The following DSCAML1 variants were observed in gnomAD, a reference collection of about 807,000 sequenced individuals.
The protein encoded by DSCAML1 is cell adhesion molecule DSCAML1.
A neutral mutation model predicts 200.5 loss-of-function variants in DSCAML1; 38 were observed. That is an observed-to-expected ratio of 0.19 (90% confidence interval 0.15 to 0.25). The LOEUF is 0.25. Ranked by LOEUF, DSCAML1 falls within the 10% of genes least tolerant of loss-of-function variation. The probability of loss-of-function intolerance (pLI) is 1.00; values close to 1 mark genes in which losing one functional copy is unlikely to be tolerated. For synonymous variants in DSCAML1, 1,215 were observed against 1,165.0 expected (o/e 1.04, Z -0.87); for missense variants, 2,223 against 2,858.8 (o/e 0.78, Z 5.07).
At chr11:117,812,736 C>A (rs1294813685) in intron 1 of DSCAML1, among the ~76,000 whole-genome samples, 1 of 144,048 alleles carries the variant, frequency 6.9e-6, no homozygotes, top group African/African-American at 2.5e-5. Context: ...GCTCTTCCTG[C>A]TGATCGTGTC....
chr11:117,540,428 T>C (rs2050246284), intron 3 of DSCAML1, among the ~76,000 whole-genome samples: 1 of 152,190 alleles, frequency 6.6e-6, no homozygotes, highest in Admixed American at 6.5e-5. Context: ...AATATCGTCT[T>C]CCATGAAACC....
chr11:117,474,482 C>T (rs1301440921), intron 14 of DSCAML1, among the ~76,000 whole-genome samples: 1 of 152,174 alleles, frequency 6.6e-6, no homozygotes, highest in Non-Finnish European at 1.5e-5. Context: ...CATCTCTGCG[C>T]AGATACCTCC....
chr11:117,693,787 C>T (rs1173865685), intron 3 of DSCAML1, among the ~76,000 whole-genome samples: 1 of 152,104 alleles, frequency 6.6e-6, no homozygotes, highest in Non-Finnish European at 1.5e-5. Context: ...ACTGAGACCC[C>T]AAAGTCTTGT....
intron 3 of DSCAML1, among the ~76,000 whole-genome samples, chr11:117,609,063 G>C (rs975574292): frequency 5.3e-5 from 8 of 152,002 alleles, no homozygotes; most frequent in African/African-American, 1.9e-4. Flanking sequence ...TCTGGGCATG[G>C]TGTTGTGTGC....
At chr11:117,681,345 A>T (rs773807981) in intron 3 of DSCAML1, among the ~76,000 whole-genome samples, 15 of 152,218 alleles carry the variant, frequency 9.9e-5, no homozygotes, top group Non-Finnish European at 1.5e-4. Context: ...AAAAATCTGC[A>T]TTTTAACAAG....
At chr11:117,613,855 T>C (rs1427693031) in intron 3 of DSCAML1, among the ~76,000 whole-genome samples, 1 of 151,944 alleles carries the variant, frequency 6.6e-6, no homozygotes, top group Non-Finnish European at 1.5e-5. Context: ...AGCTCAGAGG[T>C]CTTGGCTGCA....
chr11:117,439,136 C>G lies in DSCAML1; in HGVS notation c.4144+130G>C, dbSNP rs2047985872. The G allele has an allele frequency of 1.4e-6, 2 of 1,405,060 alleles. 1 individual carries two copies. The highest frequency in any genetic ancestry group is 2.7e-5 in the South Asian group (2 of 73,250). 87.0% of individuals were successfully genotyped at this position (1,405,060 alleles called of 1,614,324 possible). A position where few individuals can be genotyped will look rare whatever the true frequency, so the allele number is the denominator to read the frequency against. On this transcript the variant is annotated intron_variant, in intron 23 of 32. Transcript: ENST00000651296. ...CCTGCCTCCCCTTCCATGTGCACCT[C>G]TGTTTCTCCAGAGGTCTGTCTCTCC...
intron 23 of DSCAML1, 127 bp from the exon 24 acceptor site, chr11:117,439,110 T>C (rs1430606481): frequency 1.5e-6 from 2 of 1,344,202 alleles, no homozygotes; most frequent in African/African-American, 2.9e-5. Flanking sequence ...TCCCCAGCTC[T>C]CCTGCCTCCC....
At chr11:117,531,917 A>G (rs1265039547) in intron 4 of DSCAML1, among the ~76,000 whole-genome samples, 1 of 89,130 alleles carries the variant, frequency 1.1e-5, no homozygotes, top group African/African-American at 5.1e-5. Flanking sequence ...AGGGAAGGAA[A>G]GGGAAGGGAA....
intron 18 of DSCAML1, among the ~76,000 whole-genome samples, chr11:117,460,704 T>C (rs145098647): frequency 6.6e-6 from 1 of 152,060 alleles, no homozygotes; most frequent in Non-Finnish European, 1.5e-5. Context: ...AGGAAGACAT[T>C]CAAAAGTTTG....
At chr11:117,753,566 T>C (rs1183516782) in intron 3 of DSCAML1, among the ~76,000 whole-genome samples, 5 of 152,210 alleles carry the variant, frequency 3.3e-5, no homozygotes, top group African/African-American at 1.2e-4. Flanking sequence ...CTCAGGGTAA[T>C]AATACCTCTG....
rs112004415 is a variant in DSCAML1 at position 117,680,586 on chromosome 11, G to A, written c.511+96205C>T. Among the ~76,000 whole-genome samples, 1,403 of 152,332 alleles carry A rather than the reference G, an allele frequency of 9.2e-3. 24 individuals are homozygous for A. The highest frequency in any genetic ancestry group is 0.032 in the African/African-American group (1,350 of 41,568). ...GACTCAGGCTGGGGTCCATGATAAG[G>A]CAGCCAGCAGAGCAGCCTTCCCATC... is the stretch of plus-strand genomic sequence containing the variant. On this transcript the variant is annotated intron_variant, in intron 3 of 32. Transcript: ENST00000651296.
At chr11:117,613,444 C>T (rs1295001780) in intron 3 of DSCAML1, among the ~76,000 whole-genome samples, 1 of 152,082 alleles carries the variant, frequency 6.6e-6, no homozygotes, top group African/African-American at 2.4e-5. Flanking sequence ...GGTGCGCTCT[C>T]CTCTTCTCCA....
At chr11:117,734,279 T>C (rs563179272) in intron 3 of DSCAML1, among the ~76,000 whole-genome samples, 2 of 152,332 alleles carry the variant, frequency 1.3e-5, no homozygotes, top group African/African-American at 2.4e-5. Flanking sequence ...AGGGAGATCT[T>C]TCTCTAGGAA....
intron 8 of DSCAML1, among the ~76,000 whole-genome samples, chr11:117,512,367 G>T (rs948392716): frequency 6.6e-6 from 1 of 152,020 alleles, no homozygotes; most frequent in East Asian, 1.9e-4. Context: ...TTGGAACAGC[G>T]CATCCGCTAA....
At chr11:117,430,676 C>A in intron 32 of DSCAML1, 46 bp downstream of exon 32, 2 of 1,560,836 alleles carry the variant, frequency 1.3e-6, no homozygotes, top group Non-Finnish European at 1.7e-6. Context: ...GGGGCTGGGG[C>A]CAGGGGGCGG....
In DSCAML1 at chr11:117,432,489, G is replaced by T. The variant is rs775677101; in HGVS notation, c.5042C>A (p.Thr1681Asn). The change falls in exon 30 of 33, where the codon ACC becomes AAC. Residue 1681 changes from threonine (T) to asparagine (N), a missense_variant. Physicochemically the swap from Thr to Asn is moderately conservative, Grantham distance 65. Transcript: ENST00000651296. ...GIKQLGDDKATIPVTDAEFSQ... is the reference protein window; with the variant it reads ...GIKQLGDDKANIPVTDAEFSQ... ...GAACTCAGCATCTGTCACAGGGATG[G>T]TGGCCTTGTCATCTCCTGGGGAAAG... 1 of 1,614,016 alleles carries T rather than the reference G, an allele frequency of 6.2e-7. No individual in the cohort carries two copies. The highest frequency in any genetic ancestry group is 8.5e-7 in the Non-Finnish European group (1 of 1,179,996).
At chr11:117,455,867 T>C (rs1213516806) in intron 19 of DSCAML1, among the ~76,000 whole-genome samples, 1 of 152,130 alleles carries the variant, frequency 6.6e-6, no homozygotes, top group East Asian at 1.9e-4. Flanking sequence ...CAGGCAGAGT[T>C]GACTGCTACC....
At chr11:117,672,274 T>C (rs931430219) in intron 3 of DSCAML1, among the ~76,000 whole-genome samples, 2 of 152,064 alleles carry the variant, frequency 1.3e-5, no homozygotes, top group African/African-American at 4.8e-5. Context: ...CCCAGTGCCC[T>C]TGAACAGAGG....
Sources: gnomAD v4.1 joint callset for allele counts (sites outside exome capture counted in the v4.1 genomes callset) on GRCh38, gnomAD v4.1.1 for gene constraint, MANE v1.5 for transcripts, NCBI Gene and HGNC (gene_info 2026-07-23, HGNC 2026-07-21) for gene names.